SLC38A8: variants seen among roughly 807,000 people sequenced by gnomAD.
SLC38A8 encodes solute carrier family 38 member 8, also known as amino acid transporter SLC38A8.
SLC38A8 carries 65 observed loss-of-function variants against 46.0 expected under a neutral mutation model. The ratio of observed to expected loss-of-function variants is 1.41; its 90% CI spans 1.16 to 1.74. The LOEUF is 1.74. Ranked by LOEUF, SLC38A8 falls within the 40% of genes most tolerant of loss-of-function variation. The pLI is 0.00. For synonymous variants in SLC38A8, 447 were observed against 243.7 expected, an observed-to-expected ratio of 1.83 and a Z score of -7.77; for missense variants, 998 against 567.9, an observed-to-expected ratio of 1.76 and a Z score of -7.70.
rs1597260719 is a variant in SLC38A8, at chr16:84,023,659, CG to C, written c.691-771del. Among the ~76,000 whole-genome samples the C allele has an allele frequency of 2.0e-5, 3 of 152,230 alleles. No homozygotes were observed. In the East Asian group the frequency reaches 5.8e-4, roughly 29 times the overall value. ...CTGTCACCCCAGCACTTTGGGAGGC[CG>C]AAGGGGGCAGATCACTTGAGGTCAG... On this transcript the variant is annotated intron_variant, in intron 6 of 10. Transcript: ENST00000299709.
intron 7 of SLC38A8, among the ~76,000 whole-genome samples, chr16:84,021,687 G>C (rs1394656158): frequency 1.3e-5 from 2 of 152,234 alleles, no homozygotes; most frequent in African/African-American, 2.4e-5. Context: ...GTTCCAGGTA[G>C]TCAATCATCA....
At chr16:84,032,664 C>G (rs899126972) in intron 4 of SLC38A8, among the ~76,000 whole-genome samples, 3 of 152,196 alleles carry the variant, frequency 2.0e-5, no homozygotes, top group South Asian at 2.1e-4. Context: ...GGCACGAGAG[C>G]CTTGCAGGGC....
Position 84,038,482 on chromosome 16 carries a change from T to A in SLC38A8, c.190-1582A>T, listed in dbSNP as rs565262249. On this transcript the variant is annotated intron_variant, in intron 2 of 10. Transcript: ENST00000299709. ...CATCCATCTTAATGGATCAGCATTT[T>A]GAAGCAAGCTGCAGATCCCAGTGTA... 2.2e-4 allele frequency among the ~76,000 whole-genome samples: 33 copies of A among 152,272 alleles called. No individual in the cohort carries two copies. In the South Asian group the frequency reaches 6.6e-3, roughly 31 times the overall value.
At chr16:84,038,127 A>C (rs2085322824) in intron 2 of SLC38A8, among the ~76,000 whole-genome samples, 1 of 152,072 alleles carries the variant, frequency 6.6e-6, no homozygotes, top group Non-Finnish European at 1.5e-5. Flanking sequence ...CCTGGCCAAC[A>C]TGATGAAACC....
intron 10 of SLC38A8, among the ~76,000 whole-genome samples, chr16:84,012,097 T>C (rs1179306227): frequency 6.6e-6 from 1 of 152,186 alleles, no homozygotes; most frequent in East Asian, 1.9e-4. Flanking sequence ...AATTCATTTC[T>C]GTTGCTTTAA....
At chr16:84,040,672 C>T (rs1269525904) in intron 2 of SLC38A8, among the ~76,000 whole-genome samples, 4 of 152,314 alleles carry the variant, frequency 2.6e-5, no homozygotes, top group East Asian at 1.9e-4. Context: ...TGCCCCGTCA[C>T]GTGCACCTCA....
chr16:84,031,790 C>G (rs1200359034), intron 5 of SLC38A8, 77 bp downstream of exon 5: 2 of 1,250,792 alleles, frequency 1.6e-6, no homozygotes, highest in Non-Finnish European at 2.3e-6. Context: ...AGAGGCTCCT[C>G]CTCCAAGACT....
chr16:84,035,361 T>G (rs940674177), intron 3 of SLC38A8, among the ~76,000 whole-genome samples: 5 of 152,166 alleles, frequency 3.3e-5, no homozygotes, highest in African/African-American at 1.2e-4. Flanking sequence ...TACCCCCCAG[T>G]CAGGGGCCTT....
intron 7 of SLC38A8, among the ~76,000 whole-genome samples, chr16:84,019,177 C>T (rs190849577): frequency 2.0e-5 from 3 of 151,920 alleles, no homozygotes; most frequent in East Asian, 1.9e-4. Context: ...CAGGTTCAAG[C>T]GATTATCTTG....
rs1279915000 is a variant in SLC38A8, at chr16:84,016,822, CCTGT to C, written c.954-99_954-96del. ...CCAGTCCTCCAGGAGTCCCCTCACACCTGTCAGTGCTCCTGTTCCACACTCAGGT... is the reference window on the plus strand; with the variant it reads ...CCAGTCCTCCAGGAGTCCCCTCACACCAGTGCTCCTGTTCCACACTCAGGT... On this transcript the variant is annotated intron_variant, in intron 8 of 10. Transcript: ENST00000299709. 5 of 1,314,392 alleles carry C rather than the reference CCTGT, an allele frequency of 3.8e-6. No individual in the cohort carries two copies. The African/African-American group carries it at 7.4e-5, about 19-fold the overall frequency. 81.4% of individuals were successfully genotyped at this position (1,314,392 alleles called of 1,614,324 possible). A position where few individuals can be genotyped will look rare whatever the true frequency, so the allele number is the denominator to read the frequency against.
chr16:84,034,980 A>C (rs548472922), intron 3 of SLC38A8, among the ~76,000 whole-genome samples: 2 of 152,228 alleles, frequency 1.3e-5, no homozygotes, highest in East Asian at 3.9e-4. Context: ...CAAGCACTCC[A>C]ACCTCTATCT....
At chr16:84,023,170 T>C (rs1256869212) in intron 6 of SLC38A8, among the ~76,000 whole-genome samples, 4 of 152,072 alleles carry the variant, frequency 2.6e-5, no homozygotes, top group Non-Finnish European at 5.9e-5. Context: ...ACTAGCTCTC[T>C]AGCTCATTAC....
chr16:84,010,331 A>ATT (rs1567687384), intron 10 of SLC38A8, among the ~76,000 whole-genome samples: 12 of 152,076 alleles, frequency 7.9e-5, no homozygotes, highest in African/African-American at 2.9e-4. Context: ...TCAGCTTCCT[A>ATT]AAGTACTGGG....
rs143032006 is a variant in SLC38A8, at chr16:84,025,866, G to T, written c.691-2977C>A. The stretch of plus-strand genomic sequence containing the variant: ...AGGCACCGCGCACCCCTGCTCTCTG[G>T]CCCCAGGTTTCCTGTCCTACAGGAG... On this transcript the variant is annotated intron_variant, in intron 6 of 10. Coordinates refer to ENST00000299709, the MANE Select transcript of SLC38A8 (RefSeq NM_001080442.3). 5.6e-3 allele frequency among the ~76,000 whole-genome samples: 857 copies of T among 152,316 alleles called. 11 individuals carry two copies. Among genetic ancestry groups the T allele is most frequent in the African/African-American group, 0.019 (808 of 41,582 alleles).
intron 6 of SLC38A8, among the ~76,000 whole-genome samples, chr16:84,024,959 G>A (rs943043685): frequency 1.3e-5 from 2 of 152,168 alleles, no homozygotes; most frequent in African/African-American, 4.8e-5. Flanking sequence ...GGGATTACAG[G>A]CGTGAGCCAC....
intron 3 of SLC38A8, among the ~76,000 whole-genome samples, chr16:84,036,005 C>A (rs1368326248): frequency 6.6e-6 from 1 of 152,220 alleles, no homozygotes; most frequent in East Asian, 1.9e-4. Flanking sequence ...GAAGAGCACA[C>A]AAAGTGTTCT....
At chr16:84,037,903 G>C (rs1435820739) in intron 2 of SLC38A8, among the ~76,000 whole-genome samples, 1 of 147,756 alleles carries the variant, frequency 6.8e-6, no homozygotes, top group African/African-American at 2.5e-5. Context: ...CCAGCTGCTA[G>C]GTCCAAAGAA....
chr16:84,041,998 C>A lies in SLC38A8; in HGVS notation c.160G>T (p.Gly54Ter), dbSNP rs777138837. Residue 54 changes from glycine to a stop codon, truncating the protein, a stop_gained, in exon 2 of 11, where the codon GGA becomes TGA. Transcript: ENST00000299709. LOFTEE classifies it high-confidence loss of function. The stretch of plus-strand genomic sequence containing the variant: ...TCCACCAGGAAGGCAGGGACCACTC[C>A]GCCCGCTTTGGAGAAGGCCCAGGGG... ...NFPWAFSKAGGVVPAFLVELV... is the reference protein window; with the variant it reads ...NFPWAFSKAG The A allele has an allele frequency of 8.1e-6, 13 of 1,609,190 alleles. No individual in the cohort carries two copies. Among genetic ancestry groups the A allele is most frequent in the Non-Finnish European group, 1.1e-5 (13 of 1,177,444 alleles).
intron 3 of SLC38A8, 80 bp from the exon 4 acceptor site, chr16:84,033,549 G>T: frequency 3.4e-6 from 5 of 1,465,482 alleles, no homozygotes; most frequent in Non-Finnish European, 4.5e-6. Flanking sequence ...CTTCAACCCT[G>T]GCTGGGGTTG....
Sources: allele counts gnomAD v4.1 joint callset (sites outside exome capture counted in the v4.1 genomes callset), GRCh38; gene constraint gnomAD v4.1.1; transcripts MANE v1.5; gene names NCBI Gene and HGNC (gene_info 2026-07-23, HGNC 2026-07-21).